PLEKHF2: variants seen among roughly 807,000 people sequenced by gnomAD.
PLEKHF2 encodes pleckstrin homology domain-containing family F member 2.
In PLEKHF2, 4 loss-of-function variants were observed where a neutral mutation model predicts 14.7. That is an observed-to-expected ratio of 0.27 (90% CI 0.13 to 0.62). PLEKHF2 has a LOEUF of 0.62. PLEKHF2 is among the 20% of genes least tolerant of loss of function. PLEKHF2 has a pLI of 0.85. For missense variants in PLEKHF2, 201 were observed against 307.7 expected (o/e 0.65, Z 2.60); for synonymous variants, 90 against 103.5 (o/e 0.87, Z 0.79).
intron 1 of PLEKHF2, among the ~76,000 whole-genome samples, chr8:95,144,867 GAAAA>G (rs35770837): frequency 1.1e-3 from 72 of 65,114 alleles, no homozygotes; most frequent in East Asian, 3.5e-3. Flanking sequence ...TCTGTCTCAA[GAAAA>G]AAAAAAAAAA....
chr8:95,136,119 G>A (rs1409569967), intron 1 of PLEKHF2, among the ~76,000 whole-genome samples: 4 of 152,124 alleles, frequency 2.6e-5, no homozygotes, highest in African/African-American at 9.7e-5. Flanking sequence ...GGTCTGATTT[G>A]CCTCTTCATT....
intron 1 of PLEKHF2, among the ~76,000 whole-genome samples, chr8:95,137,554 C>T (rs1008887606): frequency 6.6e-6 from 1 of 152,248 alleles, no homozygotes; most frequent in African/African-American, 2.4e-5. Context: ...TTTGATTTAA[C>T]TCAATTTCCC....
At chr8:95,150,462 A>G (rs1357672672) in intron 1 of PLEKHF2, among the ~76,000 whole-genome samples, 1 of 152,156 alleles carries the variant, frequency 6.6e-6, no homozygotes, top group East Asian at 1.9e-4. Flanking sequence ...AAATAATTAT[A>G]CGAGTGTTTG....
At chr8:95,137,223 C>T (rs1225056247) in intron 1 of PLEKHF2, among the ~76,000 whole-genome samples, 2 of 152,178 alleles carry the variant, frequency 1.3e-5, no homozygotes, top group Non-Finnish European at 2.9e-5. Flanking sequence ...GCGTGAGGGT[C>T]ACCCAAGATT....
intron 1 of PLEKHF2, among the ~76,000 whole-genome samples, chr8:95,144,317 T>C (rs1367326054): frequency 6.6e-6 from 1 of 152,236 alleles, no homozygotes; most frequent in African/African-American, 2.4e-5. Flanking sequence ...TTTTATGTAC[T>C]ATTTCTCTAT....
chr8:95,149,656 A>C (rs1298705621), intron 1 of PLEKHF2, among the ~76,000 whole-genome samples: 1 of 152,150 alleles, frequency 6.6e-6, no homozygotes, highest in East Asian at 1.9e-4. Flanking sequence ...AAAGGTAGCA[A>C]GATTCTTTAT....
chr8:95,154,404 A>G lies in PLEKHF2; in HGVS notation c.360A>G (p.Ser120=). 6.2e-7 allele frequency: 1 copy of G among 1,614,172 alleles called. No individual in the cohort carries two copies. The change falls in exon 2 of 2, where the codon TCA becomes TCG. Residue 120 remains serine (S), a synonymous_variant. Coordinates refer to ENST00000315367, the MANE Select transcript of PLEKHF2 (RefSeq NM_024613.4). This position sits in a 1 kb window ranked among gnomAD's most constrained non-coding sequence, Gnocchi z 5.6. ...ATGCTGCCACTGCTACGGAGAAATC[A>G]GAATGGATGAATCATATAAATAAAT... ...AVYAATATEK[S]EWMNHINKCV...
intron 1 of PLEKHF2, among the ~76,000 whole-genome samples, chr8:95,142,085 G>A (rs1810445962): frequency 6.6e-6 from 1 of 151,984 alleles, no homozygotes; most frequent in African/African-American, 2.4e-5. Flanking sequence ...ATTTCCTAGT[G>A]TCTGCTTTGT....
In PLEKHF2 at chr8:95,155,081, T is replaced by A. The variant is rs1442087750; in HGVS notation, c.*287T>A. ...GGAAGGTTGGGAAAAGATGTTTGTT[T>A]TAACAGGTCATGTACTACGTTGTTG... On this transcript the variant is annotated 3_prime_UTR_variant, in exon 2 of 2. Coordinates refer to ENST00000315367, the MANE Select transcript of PLEKHF2 (RefSeq NM_024613.4). 7 of 388,562 alleles carry A rather than the reference T, an allele frequency of 1.8e-5. No individual in the cohort carries two copies. The highest frequency in any genetic ancestry group is 3.4e-5 in the Non-Finnish European group (7 of 205,938). 24.1% of individuals were successfully genotyped at this position (388,562 alleles called of 1,614,324 possible). A position where few individuals can be genotyped will look rare whatever the true frequency, so the allele number is the denominator to read the frequency against.
chr8:95,154,160 A>C lies in PLEKHF2; in HGVS notation c.116A>C (p.Glu39Ala). The C allele has an allele frequency of 2.5e-6, 4 of 1,613,984 alleles. No individual in the cohort carries two copies. Among genetic ancestry groups the C allele is most frequent in the Non-Finnish European group, 3.4e-6 (4 of 1,179,938 alleles). The change falls in exon 2 of 2, where the codon GAA (glutamate) becomes GCA (alanine). Residue 39 changes from glutamate (E) to alanine (A), a missense_variant. Transcript: ENST00000315367. The surrounding 1 kb of genome is among the most constrained non-coding windows in gnomAD (Gnocchi z 5.6). The stretch of plus-strand genomic sequence containing the variant: ...ATACCTGGACGAGTTCTTATTGGAG[A>C]AGGAGTATTGACTAAGTTGTGCAGG... ...LTIPGRVLIG[E>A]GVLTKLCRKK...
intron 1 of PLEKHF2, among the ~76,000 whole-genome samples, chr8:95,152,540 C>T (rs1477999784): frequency 2.0e-5 from 3 of 151,744 alleles, no homozygotes; most frequent in African/African-American, 7.3e-5. Flanking sequence ...GTTTATTAGC[C>T]GTTTTTATTT....
intron 1 of PLEKHF2, among the ~76,000 whole-genome samples, chr8:95,151,565 A>G: frequency 6.6e-6 from 1 of 152,046 alleles, no homozygotes; most frequent in East Asian, 1.9e-4. Context: ...CTTTAAAAAA[A>G]AAATCATAGC....
Position 95,135,555 on chromosome 8 carries a change from C to T in PLEKHF2, c.-15+1525C>T, listed in dbSNP as rs1018175173. On this transcript the variant is annotated intron_variant, in intron 1 of 1. Coordinates refer to ENST00000315367, the MANE Select transcript of PLEKHF2 (RefSeq NM_024613.4). ...AGTTAGGACTACAGGAGCGCATCAC[C>T]ACACCTGGCTAATTTTTGTTTGAAT... is the stretch of plus-strand genomic sequence containing the variant. Among the ~76,000 whole-genome samples, 6 of 152,130 alleles carry T rather than the reference C, an allele frequency of 3.9e-5. 1 individual carries two copies. The highest frequency in any genetic ancestry group is 4.4e-5 in the Non-Finnish European group (3 of 68,012).
chr8:95,152,698 G>A (rs1480950348), intron 1 of PLEKHF2, among the ~76,000 whole-genome samples: 1 of 152,008 alleles, frequency 6.6e-6, no homozygotes, highest in Non-Finnish European at 1.5e-5. Context: ...TCCTACTTTT[G>A]TGGAGGACAA....
rs1421197847 is a variant in PLEKHF2, at chr8:95,136,343, C to T, written c.-15+2313C>T. 3.4e-5 allele frequency among the ~76,000 whole-genome samples: 5 copies of T among 149,156 alleles called. No individual in the cohort carries two copies. In the South Asian group the frequency reaches 6.4e-4, roughly 19 times the overall value. On this transcript the variant is annotated intron_variant, in intron 1 of 1. Transcript: ENST00000315367. ...GGTTTTTATTATATATACACACACA[C>T]ACACACACACACACACACACACACA...
chr8:95,147,438 C>T (rs1183292217), intron 1 of PLEKHF2, among the ~76,000 whole-genome samples: 2 of 151,874 alleles, frequency 1.3e-5, no homozygotes, highest in African/African-American at 4.8e-5. Context: ...TTTTATAACT[C>T]ATTTCATAGA....
intron 1 of PLEKHF2, among the ~76,000 whole-genome samples, chr8:95,136,254 A>G (rs1251639607): frequency 6.6e-6 from 1 of 152,090 alleles, no homozygotes; most frequent in Non-Finnish European, 1.5e-5. Context: ...TGAGCATCAT[A>G]GTTAAATCTT....
intron 1 of PLEKHF2, among the ~76,000 whole-genome samples, chr8:95,135,165 A>G (rs1449599404): frequency 6.6e-6 from 1 of 152,244 alleles, no homozygotes; most frequent in African/African-American, 2.4e-5. Context: ...AAATAAAACT[A>G]GTATAGTGAC....
Position 95,149,579 on chromosome 8 carries a change from G to A in PLEKHF2, c.-14-4452G>A, listed in dbSNP as rs573971543. Among the ~76,000 whole-genome samples the A allele has an allele frequency of 6.6e-5, 10 of 152,292 alleles. No individual in the cohort carries two copies. In the South Asian group the frequency reaches 1.7e-3, roughly 25 times the overall value. ...AAGAAAAATACCATATGTAGGACAA[G>A]ATGAAATGGATACTGTCATTGTGCT... On this transcript the variant is annotated intron_variant, in intron 1 of 1. Transcript: ENST00000315367.
Sources: gnomAD v4.1 joint callset for allele counts (sites outside exome capture counted in the v4.1 genomes callset) on GRCh38, gnomAD v4.1.1 for gene constraint, Gnocchi (gnomAD v3.1) non-coding constraint, MANE v1.5 for transcripts, NCBI Gene and HGNC (gene_info 2026-07-23, HGNC 2026-07-21) for gene names.